RAB11FIP4: variants seen among roughly 807,000 people sequenced by gnomAD.
RAB11FIP4 encodes the protein RAB11 family interacting protein 4, also known as rab11 family-interacting protein 4.
A neutral mutation model predicts 74.3 loss-of-function variants in RAB11FIP4; 23 were observed. The ratio of observed to expected loss-of-function variants is 0.31; its 90% CI spans 0.22 to 0.44. The LOEUF (loss-of-function observed/expected upper bound fraction) is 0.44, where lower values mean the gene tolerates loss of function less well. Among genes scored for constraint, RAB11FIP4 ranks in the 20% least tolerant of loss-of-function variants. RAB11FIP4 has a pLI of 1.00. For synonymous variants in RAB11FIP4, 360 were observed against 359.9 expected, an observed-to-expected ratio of 1.00 and a Z score of 0.00; for missense variants, 630 against 863.9, an observed-to-expected ratio of 0.73 and a Z score of 3.39.
intron 3 of RAB11FIP4, among the ~76,000 whole-genome samples, chr17:31,476,172 C>CTTTTTTTTTTTTT (rs71369069): frequency 1.1e-4 from 7 of 63,532 alleles, no homozygotes; most frequent in African/African-American, 4.2e-4. Context: ...ATCGACTGAA[C>CTTTTTTTTTTTTT]TTTTTTTTTT....
At chr17:31,448,168 A>G (rs1270673255) in intron 3 of RAB11FIP4, among the ~76,000 whole-genome samples, 1 of 152,242 alleles carries the variant, frequency 6.6e-6, no homozygotes, top group South Asian at 2.1e-4. Flanking sequence ...TCCCACTTCT[A>G]CTGTAGACCC....
At chr17:31,449,046 T>A (rs1054835276) in intron 3 of RAB11FIP4, among the ~76,000 whole-genome samples, 1 of 152,194 alleles carries the variant, frequency 6.6e-6, no homozygotes, top group Admixed American at 6.5e-5. Context: ...CTGCATTCTC[T>A]GTACCACTCA....
chr17:31,535,292 C>T lies in RAB11FIP4; in HGVS notation c.*3560C>T, dbSNP rs866135678. On this transcript the variant is annotated 3_prime_UTR_variant, in exon 15 of 15. Transcript: ENST00000621161. ...AAAAAAAAAAAAAAAGCTCAAGAAC[C>T]TGCACGAGGGCCTAAAACAGTGGGC... 1 of 151,148 alleles carries T rather than the reference C, an allele frequency of 6.6e-6. No homozygotes were observed. Among genetic ancestry groups the T allele is most frequent in the African/African-American group, 2.4e-5 (1 of 41,062 alleles). The allele number at this position is 151,148 out of a possible 1,614,324, so 9.4% of individuals were successfully genotyped here.
chr17:31,438,341 T>C (rs1353319413), intron 3 of RAB11FIP4, among the ~76,000 whole-genome samples: 11 of 152,044 alleles, frequency 7.2e-5, no homozygotes, highest in Admixed American at 7.2e-4. Context: ...CCCTGGGCCC[T>C]GTTCATCCAC....
chr17:31,471,421 C>T (rs1042005366), intron 3 of RAB11FIP4, among the ~76,000 whole-genome samples: 6 of 152,016 alleles, frequency 3.9e-5, no homozygotes, highest in East Asian at 1.9e-4. Flanking sequence ...ATATCAGTGC[C>T]GGAGCACTCA....
At chr17:31,426,599 CTTT>C (rs59839758) in intron 1 of RAB11FIP4, among the ~76,000 whole-genome samples, 2 of 122,056 alleles carry the variant, frequency 1.6e-5, no homozygotes, top group Non-Finnish European at 3.2e-5. Context: ...TTTTCTTTTC[CTTT>C]TTTTTTTTTT....
Position 31,433,170 on chromosome 17 carries a change from T to C in RAB11FIP4, c.248-864T>C, listed in dbSNP as rs112668198. On this transcript the variant is annotated intron_variant, in intron 2 of 14. Coordinates refer to ENST00000621161, the MANE Select transcript of RAB11FIP4 (RefSeq NM_032932.6). The stretch of plus-strand genomic sequence containing the variant: ...CAAGAAAGAAAAAAATCTGAGACAG[T>C]GGCATAGGTCACCAGCCAGGTGGAC... Among the ~76,000 whole-genome samples the C allele has an allele frequency of 2.6e-3, 395 of 152,202 alleles. 3 individuals are homozygous for C. The highest frequency in any genetic ancestry group is 8.6e-3 in the African/African-American group (357 of 41,542).
At chr17:31,457,238 G>A (rs939026069) in intron 3 of RAB11FIP4, among the ~76,000 whole-genome samples, 3 of 152,094 alleles carry the variant, frequency 2.0e-5, no homozygotes, top group Admixed American at 6.5e-5. Flanking sequence ...CCTGGGGGAC[G>A]AGGACCAGCT....
chr17:31,434,077 G>A lies in RAB11FIP4; in HGVS notation c.291G>A (p.Ala97=), dbSNP rs762985776. 1.9e-5 allele frequency: 30 copies of A among 1,587,466 alleles called. No individual in the cohort carries two copies. Among genetic ancestry groups the A allele is most frequent in the Non-Finnish European group, 2.1e-5 (25 of 1,174,598 alleles). ...LLKDVLSVES[A]GTLPCAPEIP... ...AGGATGTGCTGTCGGTGGAGAGCGCGGGGACGCTGCCGTGCGCGCCAGAGA... is the reference window on the plus strand; with the variant it reads ...AGGATGTGCTGTCGGTGGAGAGCGCAGGGACGCTGCCGTGCGCGCCAGAGA... Residue 97 remains alanine (A), a synonymous_variant, in exon 3 of 15, where the codon GCG becomes GCA. Transcript: ENST00000621161.
intron 10 of RAB11FIP4, 190 bp downstream of exon 10, chr17:31,525,420 G>C (rs542519570): frequency 1.3e-5 from 8 of 620,900 alleles, no homozygotes; most frequent in Middle Eastern, 4.3e-4. Flanking sequence ...CAGGAAGTTC[G>C]CTAAGGAATG....
At chr17:31,459,172 T>C (rs1337458937) in intron 3 of RAB11FIP4, among the ~76,000 whole-genome samples, 1 of 152,032 alleles carries the variant, frequency 6.6e-6, no homozygotes, top group Non-Finnish European at 1.5e-5. Flanking sequence ...AATTCCCCAG[T>C]CCTACCCACC....
At chr17:31,444,143 G>A (rs990491029) in intron 3 of RAB11FIP4, among the ~76,000 whole-genome samples, 3 of 152,152 alleles carry the variant, frequency 2.0e-5, no homozygotes, top group Non-Finnish European at 4.4e-5. Flanking sequence ...CCTGAAACAA[G>A]CATTTCTAAA....
intron 3 of RAB11FIP4, among the ~76,000 whole-genome samples, chr17:31,507,001 C>T (rs2072362807): frequency 6.6e-6 from 1 of 152,170 alleles, no homozygotes; most frequent in East Asian, 1.9e-4. Flanking sequence ...CAGTCCCAAC[C>T]GGGCACAGTG....
At chr17:31,525,334 G>GCCCCTCAGCCTCAC in intron 10 of RAB11FIP4, 104 bp downstream of exon 10, 1 of 1,207,204 alleles carries the variant, frequency 8.3e-7, no homozygotes, top group Non-Finnish European at 1.1e-6. Context: ...ATGTGAGGCT[G>GCCCCTCAGCCTCAC]AGGGGCAGCC....
chr17:31,521,247 G>C lies in RAB11FIP4; in HGVS notation c.645G>C (p.Gln215His), dbSNP rs780119390. 6.2e-7 allele frequency: 1 copy of C among 1,613,990 alleles called. No individual in the cohort carries two copies. Among genetic ancestry groups the C allele is most frequent in the African/African-American group, 1.3e-5 (1 of 74,936 alleles). ...CCTCGCTCATCAGCAATGAGGAGCA[G>C]TTTGAAGACTATGGGGAGGGTGACG... ...STTSLISNEE[Q>H]FEDYGEGDDV... The change falls in exon 5 of 15, where the codon CAG becomes CAC. Residue 215 changes from glutamine (Q) to histidine (H), a missense_variant. Gln to His is a conservative substitution (Grantham distance 24). Transcript: ENST00000621161.
intron 3 of RAB11FIP4, among the ~76,000 whole-genome samples, chr17:31,493,464 T>C (rs1427732855): frequency 1.3e-5 from 2 of 151,776 alleles, no homozygotes; most frequent in African/African-American, 2.4e-5. Context: ...TAGCTGCTGC[T>C]GCTCCGGTGA....
intron 4 of RAB11FIP4, chr17:31,518,876 A>T (rs1260198250): frequency 6.6e-6 from 1 of 152,546 alleles, no homozygotes; most frequent in East Asian, 1.9e-4. Flanking sequence ...CTCTGTCACC[A>T]GGCTGGAGTG....
chr17:31,466,178 T>C (rs1230863044), intron 3 of RAB11FIP4, among the ~76,000 whole-genome samples: 8 of 151,844 alleles, frequency 5.3e-5, no homozygotes, highest in Admixed American at 5.3e-4. Flanking sequence ...CCCTGACTAA[T>C]CTACTTCATT....
intron 14 of RAB11FIP4, 24 bp from the exon 15 acceptor site, chr17:31,531,592 A>T: frequency 3.3e-6 from 5 of 1,535,184 alleles, no homozygotes; most frequent in Non-Finnish European, 4.5e-6. Flanking sequence ...CCAGCCACTG[A>T]CCCGTCTTTC....
Sources: gnomAD v4.1 joint callset for allele counts (sites outside exome capture counted in the v4.1 genomes callset) on GRCh38, gnomAD v4.1.1 for gene constraint, MANE v1.5 for transcripts, NCBI Gene and HGNC (gene_info 2026-07-23, HGNC 2026-07-21) for gene names.